The following UBL7 variants were observed in gnomAD, a reference collection of about 807,000 sequenced individuals.
UBL7 encodes the protein ubiquitin like 7, also known as ubiquitin-like protein 7.
A neutral mutation model predicts 41.7 loss-of-function variants in UBL7; 21 were observed. That is an observed-to-expected ratio of 0.50 (90% confidence interval 0.36 to 0.73). UBL7 has a LOEUF of 0.73. UBL7 is among the 30% of genes least tolerant of loss of function. The probability of loss-of-function intolerance (pLI) is 0.00; values close to 1 mark genes in which losing one functional copy is unlikely to be tolerated. For synonymous variants in UBL7, 157 were observed against 186.9 expected (o/e 0.84, Z 1.31); for missense variants, 403 against 478.4 (o/e 0.84, Z 1.47).
At chr15:74,456,906 G>A (rs2061300622) in intron 2 of UBL7, among the ~76,000 whole-genome samples, 2 of 152,146 alleles carry the variant, frequency 1.3e-5, no homozygotes, top group East Asian at 3.9e-4. Flanking sequence ...ACCTCCTGGG[G>A]TCAAGCAATT....
In UBL7 at chr15:74,450,029, G is replaced by C. The variant is rs1406049412; in HGVS notation, c.571C>G (p.Leu191Val). The C allele has an allele frequency of 6.2e-7, 1 of 1,613,788 alleles. No individual in the cohort carries two copies. The highest frequency in any genetic ancestry group is 2.2e-5 in the East Asian group (1 of 44,886). The change falls in exon 7 of 11, where the codon CTG (leucine) becomes GTG (valine). Residue 191 changes from leucine to valine, a missense_variant. Coordinates refer to ENST00000395081, the MANE Select transcript of UBL7 (RefSeq NM_032907.5). ...CTGCCTGCTACGGAGTGCAGAACCA[G>C]GACAATGGCATTGACGAGGGCTGGG... is the stretch of plus-strand genomic sequence containing the variant. The part of the protein sequence containing the change: ...AHPALVNAIV[L>V]VLHSVAGSAP...
chr15:74,459,047 G>A (rs934502680), intron 1 of UBL7, 151 bp from the exon 2 acceptor site: 3 of 686,296 alleles, frequency 4.4e-6, no homozygotes, highest in African/African-American at 1.8e-5. Flanking sequence ...AGAATCTGGG[G>A]TTCTCTCTCT....
intron 3 of UBL7, among the ~76,000 whole-genome samples, chr15:74,453,445 G>A (rs1249707644): frequency 1.3e-5 from 2 of 152,164 alleles, no homozygotes; most frequent in African/African-American, 4.8e-5. Context: ...AGGCACCACT[G>A]AGAGGGAGGG....
intron 1 of UBL7, among the ~76,000 whole-genome samples, chr15:74,459,678 A>G (rs569990929): frequency 1.3e-5 from 2 of 151,436 alleles, no homozygotes; most frequent in East Asian, 2.0e-4. Flanking sequence ...AACTCTTCCA[A>G]TGTCGGGCTG....
intron 3 of UBL7, among the ~76,000 whole-genome samples, chr15:74,455,271 A>G (rs945287290): frequency 2.0e-5 from 3 of 152,252 alleles, no homozygotes; most frequent in African/African-American, 7.2e-5. Flanking sequence ...AGTGTAACAA[A>G]GCTAATCTCT....
rs768495916 is a variant in UBL7, at chr15:74,450,043, A to G, written c.557T>C (p.Val186Ala). 4 of 1,613,694 alleles carry G rather than the reference A, an allele frequency of 2.5e-6. No individual in the cohort carries two copies. In the Admixed American group the frequency reaches 5.0e-5, roughly 20 times the overall value. ...GTGCAGAACCAGGACAATGGCATTG[A>G]CGAGGGCTGGGTGAGCAGGCACCAA... ...DTLVPAHPAL[V>A]NAIVLVLHSV... is the part of the protein sequence containing the mutation. Residue 186 changes from valine to alanine, a missense_variant, in exon 7 of 11, where the codon GTC (valine) becomes GCC (alanine). Coordinates refer to ENST00000395081, the MANE Select transcript of UBL7 (RefSeq NM_032907.5).
chr15:74,456,000 G>A (rs1399605057), intron 3 of UBL7, among the ~76,000 whole-genome samples: 5 of 152,238 alleles, frequency 3.3e-5, no homozygotes, highest in East Asian at 1.9e-4. Context: ...GGTGGTGGGC[G>A]CCTGTAGTCC....
chr15:74,458,766 CGAGT>C lies in UBL7; in HGVS notation c.98_101del (p.Tyr33CysfsTer2). 6.2e-7 allele frequency: 1 copy of C among 1,614,006 alleles called. No homozygotes were observed. Among genetic ancestry groups the C allele is most frequent in the Non-Finnish European group, 8.5e-7 (1 of 1,180,032 alleles). Reference sequence around the variant, plus strand: ...GAAATGAAATACTATAGCCCCCTAGCGAGTATTCTCCCAGTTCTGTCTCTGGCAA... The same window carrying C: ...GAAATGAAATACTATAGCCCCCTAGCATTCTCCCAGTTCTGTCTCTGGCAA... On this transcript the variant is annotated frameshift_variant, in exon 2 of 11. Coordinates refer to ENST00000395081, the MANE Select transcript of UBL7 (RefSeq NM_032907.5). LOFTEE classifies it high-confidence loss of function.
intron 7 of UBL7, 90 bp from the exon 8 acceptor site, chr15:74,449,765 T>A: frequency 6.3e-7 from 1 of 1,575,624 alleles, no homozygotes; most frequent in Non-Finnish European, 8.7e-7. Flanking sequence ...TCCAAATTCA[T>A]ATTTTCATCT....
At chr15:74,456,763 A>G in intron 2 of UBL7, 92 bp from the exon 3 acceptor site, 1 of 1,392,658 alleles carries the variant, frequency 7.2e-7, no homozygotes, top group East Asian at 2.3e-5. Context: ...AGATAGCTGG[A>G]GAATGATACA....
rs776633925 is a variant in UBL7 at position 74,449,687 on chromosome 15, C to T, written c.665-12G>A. On this transcript the variant is annotated splice_polypyrimidine_tract_variant and intron_variant, in intron 7 of 10. Transcript: ENST00000395081. The stretch of plus-strand genomic sequence containing the variant: ...AAACAGGAAGCCACCTGGAGGAGGA[C>T]GAACAGATTTCAGGAGGAAGAACAG... 27 of 1,613,944 alleles carry T rather than the reference C, an allele frequency of 1.7e-5. No homozygotes were observed. The highest frequency in any genetic ancestry group is 1.6e-4 in the Middle Eastern group (1 of 6,084).
At chr15:74,449,794 A>C in intron 7 of UBL7, 119 bp from the exon 8 acceptor site, 1 of 1,542,706 alleles carries the variant, frequency 6.5e-7, no homozygotes, top group Non-Finnish European at 8.8e-7. Flanking sequence ...GGAAAATTAC[A>C]GGACAGATGC....
At chr15:74,450,109 A>G in intron 6 of UBL7, 40 bp from the exon 7 acceptor site, 1 of 1,578,440 alleles carries the variant, frequency 6.3e-7, no homozygotes, top group Non-Finnish European at 8.6e-7. Context: ...GTGACTCCAA[A>G]AGAGCACCCT....
intron 4 of UBL7, among the ~76,000 whole-genome samples, 189 bp from the exon 5 acceptor site, chr15:74,451,709 A>G (rs2061248029): frequency 6.6e-6 from 1 of 151,810 alleles, no homozygotes; most frequent in African/African-American, 2.4e-5. Flanking sequence ...GGAAACAAAC[A>G]ATTTAAAAAA....
chr15:74,457,728 C>A (rs1437843724), intron 2 of UBL7, among the ~76,000 whole-genome samples: 7 of 137,350 alleles, frequency 5.1e-5, no homozygotes, highest in Non-Finnish European at 7.7e-5. Flanking sequence ...CAGAGCAAGA[C>A]TCCGTCTCAA....
In UBL7 at chr15:74,450,050, C is replaced by T; in HGVS notation, c.550G>A (p.Ala184Thr). The stretch of plus-strand genomic sequence containing the variant: ...ACCAGGACAATGGCATTGACGAGGG[C>T]TGGGTGAGCAGGCACCAACCTAGGA... Reference protein sequence around the residue: ...MLDTLVPAHPALVNAIVLVLH... With the variant: ...MLDTLVPAHPTLVNAIVLVLH... The change falls in exon 7 of 11, where the codon GCC (alanine) becomes ACC (threonine). Residue 184 changes from alanine (A) to threonine (T), a missense_variant. Ala to Thr is a moderately conservative substitution (Grantham distance 58, BLOSUM62 0). Transcript: ENST00000395081. The T allele has an allele frequency of 6.2e-7, 1 of 1,613,496 alleles. No individual in the cohort carries two copies. Among genetic ancestry groups the T allele is most frequent in the South Asian group, 1.1e-5 (1 of 90,916 alleles).
intron 1 of UBL7, chr15:74,460,735 A>C: frequency 7.8e-7 from 1 of 1,288,884 alleles, no homozygotes. Flanking sequence ...GCAAAGCAAG[A>C]TAAGTTCTTG....
chr15:74,450,796 A>C lies in UBL7; in HGVS notation c.530+6T>G. ...AGGTACCCTCTAATAGGACAGGTAC[A>C]CTTACGTATCAAGCATATTGGGATC... On this transcript the variant is annotated splice_donor_region_variant and intron_variant, in intron 6 of 10. Coordinates refer to ENST00000395081, the MANE Select transcript of UBL7 (RefSeq NM_032907.5). The C allele has an allele frequency of 6.2e-7, 1 of 1,613,290 alleles. No individual in the cohort carries two copies. The highest frequency in any genetic ancestry group is 8.5e-7 in the Non-Finnish European group (1 of 1,179,432).
intron 1 of UBL7, among the ~76,000 whole-genome samples, chr15:74,459,683 G>C (rs887985066): frequency 6.6e-6 from 1 of 151,640 alleles, no homozygotes; most frequent in Non-Finnish European, 1.5e-5. Flanking sequence ...TTCCAATGTC[G>C]GGCTGGGCGC....
Sources: gnomAD v4.1 joint callset for allele counts (sites outside exome capture counted in the v4.1 genomes callset) on GRCh38, gnomAD v4.1.1 for gene constraint, MANE v1.5 for transcripts, NCBI Gene and HGNC (gene_info 2026-07-23, HGNC 2026-07-21) for gene names.